Variants in ARHGEF28 observed in about 807,000 individuals in gnomAD.
ARHGEF28 encodes 190 kDa guanine nucleotide exchange factor.
In ARHGEF28, 152 loss-of-function variants were observed where a neutral mutation model predicts 206.6. The ratio of observed to expected loss-of-function variants is 0.74; its 90% CI spans 0.64 to 0.84. The LOEUF is 0.84. ARHGEF28 is among the 40% of genes least tolerant of loss of function. ARHGEF28 has a pLI of 0.00. For missense variants in ARHGEF28, 2,028 were observed against 2,073.2 expected (o/e 0.98, Z 0.42); for synonymous variants, 763 against 776.4 (o/e 0.98, Z 0.29).
chr5:73,664,451 C>T (rs1247628447), intron 1 of ARHGEF28, among the ~76,000 whole-genome samples: 2 of 152,124 alleles, frequency 1.3e-5, no homozygotes, highest in Admixed American at 1.3e-4. Flanking sequence ...TGTTGTGTGA[C>T]CTTGGGCAAG....
intron 9 of ARHGEF28, among the ~76,000 whole-genome samples, chr5:73,801,671 ATC>A (rs1158714928): frequency 1.3e-5 from 2 of 151,830 alleles, no homozygotes; most frequent in African/African-American, 2.4e-5. Context: ...TTTTTGGCAG[ATC>A]TCTCTCTACA....
chr5:73,931,118 T>C (rs936910958), intron 35 of ARHGEF28, among the ~76,000 whole-genome samples: 1 of 152,242 alleles, frequency 6.6e-6, no homozygotes, highest in Non-Finnish European at 1.5e-5. Flanking sequence ...TTAAATAATT[T>C]GTCTGGGCTT....
At chr5:73,927,382 T>C (rs530295836) in intron 35 of ARHGEF28, among the ~76,000 whole-genome samples, 1 of 152,210 alleles carries the variant, frequency 6.6e-6, no homozygotes, top group Admixed American at 6.5e-5. Flanking sequence ...AAAACCTTTC[T>C]TTAGGATCCA....
chr5:73,909,315 G>C, intron 33 of ARHGEF28, 97 bp from the exon 34 acceptor site: 1 of 1,479,650 alleles, frequency 6.8e-7, no homozygotes, highest in Non-Finnish European at 9.0e-7. Flanking sequence ...GTGAATTCGG[G>C]CCTGCGTTTT....
chr5:73,881,310 G>C (rs1003313103), intron 22 of ARHGEF28, among the ~76,000 whole-genome samples: 3 of 151,966 alleles, frequency 2.0e-5, no homozygotes, highest in Non-Finnish European at 4.4e-5. Flanking sequence ...TTCTAGAATA[G>C]TCTTATTTAT....
chr5:73,886,479 G>C (rs1481976209), intron 25 of ARHGEF28, among the ~76,000 whole-genome samples: 1 of 152,188 alleles, frequency 6.6e-6, no homozygotes, highest in African/African-American at 2.4e-5. Context: ...ACAGCCTAGG[G>C]CTGTCAGACA....
At chr5:73,752,881 G>A in intron 3 of ARHGEF28, 28 bp from the exon 4 acceptor site, 1 of 1,612,320 alleles carries the variant, frequency 6.2e-7, no homozygotes, top group Non-Finnish European at 8.5e-7. Context: ...CAGACTTGGG[G>A]TGAACTGTTC....
At chr5:73,935,317 A>G (rs910835303) in intron 35 of ARHGEF28, among the ~76,000 whole-genome samples, 1 of 152,196 alleles carries the variant, frequency 6.6e-6, no homozygotes, top group Non-Finnish European at 1.5e-5. Flanking sequence ...TTTCAGGTGC[A>G]GTATTGGCAT....
Position 73,776,710 on chromosome 5 carries a change from G to A in ARHGEF28, c.840+14G>A. The stretch of plus-strand genomic sequence containing the variant: ...TTTCTTGTCAAGGTTTGTACATAGT[G>A]ATTCTAGCATGTGATAATGCATGCT... On this transcript the variant is annotated intron_variant, in intron 6 of 35. Transcript: ENST00000513042. The A allele has an allele frequency of 6.3e-7, 1 of 1,592,420 alleles. No homozygotes were observed. Among genetic ancestry groups the A allele is most frequent in the Non-Finnish European group, 8.6e-7 (1 of 1,165,986 alleles).
intron 26 of ARHGEF28, among the ~76,000 whole-genome samples, chr5:73,890,109 G>A (rs144186163): frequency 6.6e-6 from 1 of 152,260 alleles, no homozygotes; most frequent in African/African-American, 2.4e-5. Flanking sequence ...GAGTTAATTT[G>A]AATGTTTGTT....
intron 35 of ARHGEF28, among the ~76,000 whole-genome samples, chr5:73,938,207 C>A (rs997037554): frequency 1.1e-4 from 16 of 146,856 alleles, no homozygotes; most frequent in Non-Finnish European, 1.8e-4. Context: ...CACAACTCCC[C>A]ATCCCCATCC....
chr5:73,684,929 T>G (rs370524120), intron 2 of ARHGEF28, 45 bp downstream of exon 2: 9 of 1,602,798 alleles, frequency 5.6e-6, no homozygotes, highest in Non-Finnish European at 7.7e-6. Flanking sequence ...GGCCCTTTCT[T>G]AACTCCAAAC....
rs184016032 is a variant in ARHGEF28 at position 73,853,469 on chromosome 5, G to C, written c.1790+777G>C. Among the ~76,000 whole-genome samples the C allele has an allele frequency of 4.4e-3, 676 of 152,288 alleles. 3 individuals carry two copies. The highest frequency in any genetic ancestry group is 5.6e-3 in the Non-Finnish European group (378 of 68,022). ...AAACGTTTTAAACGTTTTAGTATAC[G>C]GATCAAGATGGGGTGTTTCGTTTTA... On this transcript the variant is annotated intron_variant, in intron 14 of 35. Transcript: ENST00000513042.
Position 73,754,887 on chromosome 5 carries a change from T to TTTTA in ARHGEF28, c.475+1705_475+1708dup, listed in dbSNP as rs146201724. ...ATTAAAATTTTTATTTTTATTTTTA[T>TTTTA]TTTATTTATTTATTTATTTATTTTT... On this transcript the variant is annotated intron_variant, in intron 4 of 35. Coordinates refer to ENST00000513042, the MANE Select transcript of ARHGEF28 (RefSeq NM_001177693.2). 5.0e-4 allele frequency among the ~76,000 whole-genome samples: 75 copies of TTTTA among 149,674 alleles called. 1 individual carries two copies. In the South Asian group the frequency reaches 0.013, roughly 26 times the overall value.
intron 1 of ARHGEF28, among the ~76,000 whole-genome samples, chr5:73,681,065 T>C (rs1189847208): frequency 6.9e-6 from 1 of 145,284 alleles, no homozygotes; most frequent in African/African-American, 2.6e-5. Context: ...TTTTTTTAGC[T>C]TCCACATTTC....
intron 13 of ARHGEF28, among the ~76,000 whole-genome samples, chr5:73,850,243 A>G (rs564957021): frequency 6.6e-6 from 1 of 152,132 alleles, no homozygotes; most frequent in Non-Finnish European, 1.5e-5. Flanking sequence ...AAGAAATGCT[A>G]CCATGATTTT....
chr5:73,814,642 C>T (rs906258158), intron 9 of ARHGEF28, among the ~76,000 whole-genome samples: 2 of 152,020 alleles, frequency 1.3e-5, no homozygotes, highest in Non-Finnish European at 1.5e-5. Context: ...TGTTTCTAAG[C>T]GGGTTGCCTC....
At chr5:73,847,238 C>T (rs2931445) in intron 12 of ARHGEF28, among the ~76,000 whole-genome samples, 1 of 151,992 alleles carries the variant, frequency 6.6e-6, no homozygotes. Flanking sequence ...ATAATACCTT[C>T]TTTTTGTAGC....
chr5:73,763,895 C>G (rs73116591), intron 4 of ARHGEF28, among the ~76,000 whole-genome samples: 13,658 of 152,250 alleles, frequency 0.09, 1,229 homozygotes, highest in African/African-American at 0.23. Flanking sequence ...GGTAAGCAGG[C>G]AGCTAGTTCC....
Sources: gnomAD v4.1 joint callset for allele counts (sites outside exome capture counted in the v4.1 genomes callset) on GRCh38, gnomAD v4.1.1 for gene constraint, MANE v1.5 for transcripts, NCBI Gene and HGNC (gene_info 2026-07-23, HGNC 2026-07-21) for gene names.